CHRM2: variants seen among roughly 807,000 people sequenced by gnomAD.
The protein encoded by CHRM2 is cholinergic receptor muscarinic 2.
A neutral mutation model predicts 25.0 loss-of-function variants in CHRM2; 8 were observed. The observed-to-expected ratio is 0.32, with a 90% confidence interval of 0.19 to 0.58. CHRM2 has a LOEUF of 0.58. CHRM2 is among the 20% of genes least tolerant of loss of function. CHRM2 has a pLI of 0.88. For missense variants in CHRM2, 440 were observed against 567.1 expected, an observed-to-expected ratio of 0.78 and a Z score of 2.28; for synonymous variants, 202 against 205.7, an observed-to-expected ratio of 0.98 and a Z score of 0.15.
intron 2 of CHRM2, among the ~76,000 whole-genome samples, chr7:136,885,359 A>T (rs562875383): frequency 6.6e-6 from 1 of 152,346 alleles, no homozygotes; most frequent in East Asian, 1.9e-4. Context: ...CCTAAAAAGT[A>T]ATTTAAATTT....
At chr7:136,876,411 G>A (rs1796055047) in intron 2 of CHRM2, among the ~76,000 whole-genome samples, 2 of 152,062 alleles carry the variant, frequency 1.3e-5, no homozygotes, top group South Asian at 2.1e-4. Context: ...TCTTTAAAAC[G>A]AAACCAAATG....
chr7:136,933,441 T>A (rs10267979), intron 2 of CHRM2, among the ~76,000 whole-genome samples: 62,074 of 152,038 alleles, frequency 0.41, 14,077 homozygotes, highest in African/African-American at 0.61. Flanking sequence ...TCAAGTGTTG[T>A]CAAGGATGTG....
intron 2 of CHRM2, among the ~76,000 whole-genome samples, chr7:136,961,151 A>C (rs1225100348): frequency 6.6e-6 from 1 of 152,052 alleles, no homozygotes; most frequent in African/African-American, 2.4e-5. Context: ...AAAAAACCAT[A>C]TGCATTCAGT....
intron 2 of CHRM2, among the ~76,000 whole-genome samples, chr7:136,890,295 A>G (rs1218389710): frequency 6.6e-6 from 1 of 152,162 alleles, no homozygotes; most frequent in Non-Finnish European, 1.5e-5. Context: ...CACCATTAAC[A>G]CTTTTTCATG....
At chr7:136,998,712 G>A (rs1224533927) in intron 3 of CHRM2, among the ~76,000 whole-genome samples, 7 of 152,274 alleles carry the variant, frequency 4.6e-5, no homozygotes, top group African/African-American at 1.4e-4. Flanking sequence ...ACAGATCAAC[G>A]TGAGAAACGG....
chr7:136,882,278 C>A (rs1383417284), intron 2 of CHRM2, among the ~76,000 whole-genome samples: 3 of 151,966 alleles, frequency 2.0e-5, no homozygotes, highest in Non-Finnish European at 4.4e-5. Context: ...TATTCAACTC[C>A]TTTATACAAC....
chr7:136,895,924 T>C (rs1290873199), intron 2 of CHRM2, among the ~76,000 whole-genome samples: 4 of 152,284 alleles, frequency 2.6e-5, no homozygotes, highest in Middle Eastern at 6.8e-3. Context: ...GTGTGCTGGA[T>C]TGGGGAGACC....
intron 2 of CHRM2, chr7:136,951,185 G>A (rs185663938): frequency 6.6e-6 from 1 of 152,090 alleles, no homozygotes; most frequent in Non-Finnish European, 1.5e-5. Context: ...TATCCAGCTC[G>A]AATGGTTCTT....
chr7:136,878,395 G>A (rs976961074), intron 2 of CHRM2, among the ~76,000 whole-genome samples: 2 of 151,950 alleles, frequency 1.3e-5, no homozygotes, highest in Non-Finnish European at 1.5e-5. Flanking sequence ...ACTGAAGGCA[G>A]GAGGAAGGGT....
intron 2 of CHRM2, among the ~76,000 whole-genome samples, chr7:136,989,168 T>C (rs867010012): frequency 6.6e-6 from 1 of 152,234 alleles, no homozygotes; most frequent in African/African-American, 2.4e-5. Context: ...TATTGATCCA[T>C]ATTTAATATA....
intron 2 of CHRM2, among the ~76,000 whole-genome samples, chr7:136,965,312 T>G (rs113637905): frequency 1.4e-4 from 21 of 152,114 alleles, no homozygotes; most frequent in African/African-American, 5.1e-4. Flanking sequence ...CAATCTAAAA[T>G]CTGAAAGAAA....
chr7:136,980,064 T>C (rs1802380183), intron 2 of CHRM2, among the ~76,000 whole-genome samples: 1 of 152,236 alleles, frequency 6.6e-6, no homozygotes, highest in South Asian at 2.1e-4. Flanking sequence ...ATATTGATTC[T>C]TCCTATCCAT....
Position 137,015,723 on chromosome 7 carries a change from C to T in CHRM2, c.858C>T (p.Ser286=). 6.2e-7 allele frequency: 1 copy of T among 1,613,236 alleles called. No individual in the cohort carries two copies. The highest frequency in any genetic ancestry group is 8.5e-7 in the Non-Finnish European group (1 of 1,179,552). ...QGEEKESSND[S]TSVSAVASNM... ...AGGAGAAGGAGAGCTCCAATGACTC[C>T]ACCTCAGTCAGTGCTGTTGCCTCTA... Residue 286 remains serine (S), a synonymous_variant, in exon 4 of 4, where the codon TCC becomes TCT. Coordinates refer to ENST00000680005, the MANE Select transcript of CHRM2 (RefSeq NM_001006630.2). This position sits in a 1 kb window ranked among gnomAD's most constrained non-coding sequence, Gnocchi z 5.1.
chr7:136,877,580 C>G (rs1322126432), intron 2 of CHRM2, among the ~76,000 whole-genome samples: 2 of 151,990 alleles, frequency 1.3e-5, no homozygotes, highest in Non-Finnish European at 1.5e-5. Context: ...TCTTCCTCTT[C>G]TTCTCTCCCA....
At chr7:136,871,966 A>AT in intron 2 of CHRM2, 1 of 152,318 alleles carries the variant, frequency 6.6e-6, no homozygotes, top group Non-Finnish European at 1.5e-5. Flanking sequence ...GCAACTTCCT[A>AT]TTGACTCTAT....
chr7:136,882,481 C>T (rs1288993503), intron 2 of CHRM2, among the ~76,000 whole-genome samples: 1 of 151,380 alleles, frequency 6.6e-6, no homozygotes, highest in South Asian at 2.1e-4. Flanking sequence ...TGATGCCTGC[C>T]TCTATTCTTG....
intron 2 of CHRM2, among the ~76,000 whole-genome samples, chr7:136,927,875 C>A (rs1453514950): frequency 6.6e-6 from 1 of 152,036 alleles, no homozygotes; most frequent in African/African-American, 2.4e-5. Flanking sequence ...TTAGTTACTC[C>A]TAGGAAGCAG....
chr7:136,900,652 T>C (rs534924950), intron 2 of CHRM2, among the ~76,000 whole-genome samples: 1 of 152,208 alleles, frequency 6.6e-6, no homozygotes, highest in South Asian at 2.1e-4. Context: ...TGAGGCATTC[T>C]AAGAAATGGC....
intron 2 of CHRM2, among the ~76,000 whole-genome samples, chr7:136,890,778 T>C (rs1796660299): frequency 1.3e-5 from 2 of 152,190 alleles, no homozygotes; most frequent in African/African-American, 4.8e-5. Context: ...AAAGTCCAAG[T>C]GTTTGTGTAT....
Sources: allele counts gnomAD v4.1 joint callset (sites outside exome capture counted in the v4.1 genomes callset), GRCh38; gene constraint gnomAD v4.1.1; non-coding constraint Gnocchi (gnomAD v3.1); transcripts MANE v1.5; gene names NCBI Gene and HGNC (gene_info 2026-07-23, HGNC 2026-07-21).